ATXN10: variants seen among roughly 807,000 people sequenced by gnomAD.
ATXN10 encodes the protein ataxin 10.
Under a neutral mutation model 52.9 loss-of-function variants are expected in ATXN10, and 28 were observed. The observed-to-expected ratio is 0.53, with a 90% CI of 0.39 to 0.73. The LOEUF (loss-of-function observed/expected upper bound fraction) is 0.73, where lower values mean the gene tolerates loss of function less well. Ranked by LOEUF, ATXN10 falls within the 30% of genes least tolerant of loss-of-function variation. The probability of loss-of-function intolerance (pLI) is 0.00; values close to 1 mark genes in which losing one functional copy is unlikely to be tolerated. For synonymous variants in ATXN10, 226 were observed against 221.5 expected (o/e 1.02, Z -0.18); for missense variants, 565 against 577.0 (o/e 0.98, Z 0.21).
rs1207519950 is a variant in ATXN10, at chr22:45,683,178, G to A, written c.117-6534G>A. Among the ~76,000 whole-genome samples, 3 of 152,192 alleles carry A rather than the reference G, an allele frequency of 2.0e-5. No individual in the cohort carries two copies. Among genetic ancestry groups the A allele is most frequent in the Non-Finnish European group, 1.5e-5 (1 of 68,032 alleles). ...TACTAAAAATACAAAAATTTGTTGG[G>A]CATGGTGGCACATGCCTGAAATTCT... On this transcript the variant is annotated intron_variant, in intron 1 of 11. Transcript: ENST00000252934. The surrounding 1 kb of genome is among the most constrained non-coding windows in gnomAD (Gnocchi z 4.8).
In ATXN10 at chr22:45,843,272, T is replaced by C; in HGVS notation, c.1425+94T>C. The C allele has an allele frequency of 7.4e-7, 1 of 1,352,930 alleles. No homozygotes were observed. The highest frequency in any genetic ancestry group is 1.0e-6 in the Non-Finnish European group (1 of 953,286). 83.8% of individuals were successfully genotyped at this position (1,352,930 alleles called of 1,614,324 possible). On this transcript the variant is annotated intron_variant, in intron 11 of 11. Coordinates refer to ENST00000252934, the MANE Select transcript of ATXN10 (RefSeq NM_013236.4). The surrounding 1 kb of genome is among the most constrained non-coding windows in gnomAD (Gnocchi z 4.5). ...TCAAGCACGAGGCTCTTTGTAAGAA[T>C]ATGGATGGGAGAATTGTGCCCTCTA...
At chr22:45,737,144 T>A (rs1925328640) in intron 7 of ATXN10, among the ~76,000 whole-genome samples, 1 of 152,230 alleles carries the variant, frequency 6.6e-6, no homozygotes, top group Non-Finnish European at 1.5e-5. Flanking sequence ...ACCGCTTGAT[T>A]TGTTTTCAGT....
At position 45,823,007 on chromosome 22, in the gene ATXN10, C is replaced by T. The variant is rs1403352239; in HGVS notation, c.1237+15985C>T. Reference sequence around the variant, plus strand: ...GTTGTATGTGTTGAAATAGTCTTTCCCATCCATCTTTGTTCTTACTTTCCT... The same window carrying T: ...GTTGTATGTGTTGAAATAGTCTTTCTCATCCATCTTTGTTCTTACTTTCCT... On this transcript the variant is annotated intron_variant, in intron 10 of 11. Transcript: ENST00000252934. The surrounding 1 kb of genome is among the most constrained non-coding windows in gnomAD (Gnocchi z 4.9). 3.6e-6 allele frequency: 1 copy of T among 276,692 alleles called. No homozygotes were observed. The highest frequency in any genetic ancestry group is 7.5e-6 in the Non-Finnish European group (1 of 133,864). The allele number at this position is 276,692 out of a possible 1,614,324, so 17.1% of individuals were successfully genotyped here. A position where few individuals can be genotyped will look rare whatever the true frequency, so the allele number is the denominator to read the frequency against.
At chr22:45,745,320 C>G (rs985486483) in intron 9 of ATXN10, among the ~76,000 whole-genome samples, 1 of 152,168 alleles carries the variant, frequency 6.6e-6, no homozygotes, top group Admixed American at 6.5e-5. Flanking sequence ...TCAAATCGGA[C>G]AGACAGATGA....
intron 10 of ATXN10, among the ~76,000 whole-genome samples, chr22:45,812,076 G>A (rs925277397): frequency 6.6e-6 from 1 of 152,084 alleles, no homozygotes; most frequent in Non-Finnish European, 1.5e-5. Flanking sequence ...GAAGGCAGTT[G>A]TCCAAGCACA....
Position 45,757,594 on chromosome 22 carries a change from T to C in ATXN10, c.1173+17056T>C, listed in dbSNP as rs1926221115. ...ATTTGTTCTTAATCTTGAAAAATCA[T>C]TTCTAGCCATTTTAGAAAAAAAAAA... On this transcript the variant is annotated intron_variant, in intron 9 of 11. Transcript: ENST00000252934. This position sits in a 1 kb window ranked among gnomAD's most constrained non-coding sequence, Gnocchi z 4.6. Among the ~76,000 whole-genome samples the C allele has an allele frequency of 6.6e-6, 1 of 151,094 alleles. No individual in the cohort carries two copies. The highest frequency in any genetic ancestry group is 6.6e-5 in the Admixed American group (1 of 15,164).
At position 45,726,264 on chromosome 22, in the gene ATXN10, A is replaced by T. The variant is rs374278955; in HGVS notation, c.729-3161A>T. Among the ~76,000 whole-genome samples, 8 of 152,204 alleles carry T rather than the reference A, an allele frequency of 5.3e-5. 1 individual carries two copies. Among genetic ancestry groups the T allele is most frequent in the African/African-American group, 1.7e-4 (7 of 41,536 alleles). ...TGCCAATTCTTTGAATGTCTGGTGG[A>T]ATTTGGCCATGTATCCGTCTGGCCC... On this transcript the variant is annotated intron_variant, in intron 6 of 11. Coordinates refer to ENST00000252934, the MANE Select transcript of ATXN10 (RefSeq NM_013236.4).
chr22:45,762,290 C>G lies in ATXN10; in HGVS notation c.1173+21752C>G, dbSNP rs1015550385. ...CGCAGGGACCTCGGCTTATTTTTCT[C>G]TGTCTTTGCATTGCTTGACAGAGGG... On this transcript the variant is annotated intron_variant, in intron 9 of 11. Transcript: ENST00000252934. The surrounding 1 kb of genome is among the most constrained non-coding windows in gnomAD (Gnocchi z 4.3). Among the ~76,000 whole-genome samples, 5 of 152,238 alleles carry G rather than the reference C, an allele frequency of 3.3e-5. No individual in the cohort carries two copies. Among genetic ancestry groups the G allele is most frequent in the Non-Finnish European group, 7.3e-5 (5 of 68,046 alleles).
At position 45,843,789 on chromosome 22, in the gene ATXN10, A is replaced by G. The variant is rs1457798140; in HGVS notation, c.*118A>G. ...ATAAGTACAAATTTGGGAACATACA[A>G]ATCTTTTAGGTAGTAGAGTTTAACG... On this transcript the variant is annotated 3_prime_UTR_variant, in exon 12 of 12. Transcript: ENST00000252934. The surrounding 1 kb of genome is among the most constrained non-coding windows in gnomAD (Gnocchi z 4.5). 28 of 992,344 alleles carry G rather than the reference A, an allele frequency of 2.8e-5. No individual in the cohort carries two copies. Among genetic ancestry groups the G allele is most frequent in the Non-Finnish European group, 4.7e-6 (3 of 640,878 alleles). The allele number at this position is 992,344 out of a possible 1,614,324, so 61.5% of individuals were successfully genotyped here.
At chr22:45,832,471 T>C (rs1313091539) in intron 10 of ATXN10, among the ~76,000 whole-genome samples, 1 of 152,216 alleles carries the variant, frequency 6.6e-6, no homozygotes, top group Non-Finnish European at 1.5e-5. Flanking sequence ...CTCCCCTCTT[T>C]CCCCAAGTTG....
At position 45,723,206 on chromosome 22, in the gene ATXN10, ATATATAGATAGGTATATCTATATTT is replaced by A. The variant is rs1569036946; in HGVS notation, c.728+4722_728+4746del. ...AGATAGATCCACTTATGATAGAGATATATATAGATAGGTATATCTATATTTTATATAGACATAAAATTTCAGTAGC... is the reference window on the plus strand; with the variant it reads ...AGATAGATCCACTTATGATAGAGATATATATAGACATAAAATTTCAGTAGC... On this transcript the variant is annotated intron_variant, in intron 6 of 11. Transcript: ENST00000252934. Among the ~76,000 whole-genome samples, 7 of 152,202 alleles carry A rather than the reference ATATATAGATAGGTATATCTATATTT, an allele frequency of 4.6e-5. No homozygotes were observed. In the South Asian group the frequency reaches 1.5e-3, roughly 32 times the overall value.
rs1384510900 is a variant in ATXN10, at chr22:45,826,463, T to TG, written c.1238-16528_1238-16527insG. ...CCAGGAAACTCGGTGAGCTCCAAGT[T>TG]AAGATGAACTCAAGGAGACATATTA... On this transcript the variant is annotated intron_variant, in intron 10 of 11. Coordinates refer to ENST00000252934, the MANE Select transcript of ATXN10 (RefSeq NM_013236.4). This position sits in a 1 kb window ranked among gnomAD's most constrained non-coding sequence, Gnocchi z 5.0. 6.6e-6 allele frequency among the ~76,000 whole-genome samples: 1 copy of TG among 152,146 alleles called. No homozygotes were observed. The highest frequency in any genetic ancestry group is 1.9e-4 in the East Asian group (1 of 5,184).
intron 5 of ATXN10, among the ~76,000 whole-genome samples, chr22:45,704,455 C>T (rs1216153900): frequency 6.6e-6 from 1 of 151,868 alleles, no homozygotes; most frequent in Non-Finnish European, 1.5e-5. Context: ...TTTAAATTTT[C>T]GTCAGTTATG....
Position 45,823,323 on chromosome 22 carries a change from G to C in ATXN10, c.1237+16301G>C, listed in dbSNP as rs778617322. The C allele has an allele frequency of 8.1e-5, 32 of 396,340 alleles. No individual in the cohort carries two copies. The highest frequency in any genetic ancestry group is 1.4e-4 in the Non-Finnish European group (27 of 196,522). 24.6% of individuals were successfully genotyped at this position (396,340 alleles called of 1,614,324 possible). A position where few individuals can be genotyped will look rare whatever the true frequency, so the allele number is the denominator to read the frequency against. On this transcript the variant is annotated intron_variant, in intron 10 of 11. Transcript: ENST00000252934. The surrounding 1 kb of genome is among the most constrained non-coding windows in gnomAD (Gnocchi z 4.9). Reference sequence around the variant, plus strand: ...TGTTTAGTGATTTTTGTGTCTCTGAGGTCTGAGGTCATAAAAGTATGCTAA... The same window carrying C: ...TGTTTAGTGATTTTTGTGTCTCTGACGTCTGAGGTCATAAAAGTATGCTAA...
At chr22:45,771,668 C>T (rs1037353386) in intron 9 of ATXN10, among the ~76,000 whole-genome samples, 1 of 152,152 alleles carries the variant, frequency 6.6e-6, no homozygotes, top group Non-Finnish European at 1.5e-5. Context: ...CCACCCACCT[C>T]GAGCTCCCAA....
intron 10 of ATXN10, among the ~76,000 whole-genome samples, chr22:45,831,085 T>G (rs1001365470): frequency 2.6e-5 from 4 of 152,186 alleles, no homozygotes; most frequent in Non-Finnish European, 5.9e-5. Flanking sequence ...CCTGAGGACC[T>G]TACACTTAGT....
intron 9 of ATXN10, among the ~76,000 whole-genome samples, chr22:45,742,466 G>A (rs1305983690): frequency 6.7e-6 from 1 of 150,244 alleles, no homozygotes; most frequent in African/African-American, 2.5e-5. Flanking sequence ...TCTCAGCAGA[G>A]AAATAGAAAC....
intron 5 of ATXN10, among the ~76,000 whole-genome samples, chr22:45,704,801 C>T (rs936400858): frequency 6.6e-6 from 1 of 152,034 alleles, no homozygotes; most frequent in African/African-American, 2.4e-5. Context: ...ACTGGAAATT[C>T]CAATACAATG....
intron 9 of ATXN10, among the ~76,000 whole-genome samples, chr22:45,768,761 G>T (rs1926674674): frequency 1.3e-5 from 2 of 152,224 alleles, no homozygotes; most frequent in Admixed American, 1.3e-4. Flanking sequence ...CAGATGCTCT[G>T]TGTTGACTTT....
Sources: gnomAD v4.1 joint callset for allele counts (sites outside exome capture counted in the v4.1 genomes callset) on GRCh38, gnomAD v4.1.1 for gene constraint, Gnocchi (gnomAD v3.1) non-coding constraint, MANE v1.5 for transcripts, NCBI Gene and HGNC (gene_info 2026-07-23, HGNC 2026-07-21) for gene names.